Variants in LHFPL2 observed in about 807,000 individuals in gnomAD.
The protein encoded by LHFPL2 is LHFPL tetraspan subfamily member 2.
LHFPL2 carries 7 observed loss-of-function variants against 17.5 expected under a neutral mutation model. That is an observed-to-expected ratio of 0.40 (90% confidence interval 0.23 to 0.75). The LOEUF is 0.75. LHFPL2 is among the 30% of genes least tolerant of loss of function. The pLI is 0.37. For synonymous variants in LHFPL2, 134 were observed against 116.2 expected, an observed-to-expected ratio of 1.15 and a Z score of -0.99; for missense variants, 241 against 294.8, an observed-to-expected ratio of 0.82 and a Z score of 1.34.
At chr5:78,548,145 C>A (rs558701450) in intron 3 of LHFPL2, among the ~76,000 whole-genome samples, 17 of 152,372 alleles carry the variant, frequency 1.1e-4, no homozygotes, top group Middle Eastern at 3.4e-3. Context: ...TCACTCTGGC[C>A]AGCACGGCTG....
At chr5:78,571,977 C>T (rs1356934162) in intron 2 of LHFPL2, among the ~76,000 whole-genome samples, 2 of 152,032 alleles carry the variant, frequency 1.3e-5, no homozygotes, top group Admixed American at 6.5e-5. Context: ...AAATAACGCA[C>T]TCTCTCAGTA....
rs75479471 is a variant in LHFPL2 at position 78,532,408 on chromosome 5, T to C, written c.-185-22010A>G. On this transcript the variant is annotated intron_variant, in intron 3 of 4. Transcript: ENST00000380345. Reference sequence around the variant, plus strand: ...TTTCTCCTGCTAAGAGATGTGGCCATAAAGCCTCCTGTGGTCATCCTACAG... The same window carrying C: ...TTTCTCCTGCTAAGAGATGTGGCCACAAAGCCTCCTGTGGTCATCCTACAG... 4.6e-3 allele frequency among the ~76,000 whole-genome samples: 705 copies of C among 152,170 alleles called. 5 individuals are homozygous for C. The highest frequency in any genetic ancestry group is 0.016 in the African/African-American group (673 of 41,518).
rs1402698564 is a variant in LHFPL2 at position 78,487,638 on chromosome 5, T to C, written c.*1259A>G. 2 of 152,216 alleles carry C rather than the reference T, an allele frequency of 1.3e-5. No homozygotes were observed. The highest frequency in any genetic ancestry group is 2.9e-5 in the Non-Finnish European group (2 of 68,024). The allele number at this position is 152,216 out of a possible 1,614,324, so 9.4% of individuals were successfully genotyped here. On this transcript the variant is annotated 3_prime_UTR_variant, in exon 5 of 5. Transcript: ENST00000380345. The stretch of plus-strand genomic sequence containing the variant: ...AGTGATATTGGTAATTTATGGAAAG[T>C]AGATTAAAAACCCCTGAATCCTTAT...
intron 1 of LHFPL2, among the ~76,000 whole-genome samples, chr5:78,635,229 A>G (rs1289697941): frequency 6.6e-6 from 1 of 152,246 alleles, no homozygotes; most frequent in Non-Finnish European, 1.5e-5. Flanking sequence ...TGCCAGCCAG[A>G]GGCTGAGAAC....
intron 4 of LHFPL2, among the ~76,000 whole-genome samples, chr5:78,490,088 TTC>T (rs1353613934): frequency 1.3e-5 from 2 of 152,236 alleles, no homozygotes; most frequent in South Asian, 2.1e-4. Context: ...TGTAAGGACT[TTC>T]TGTCTGCGTA....
At chr5:78,607,009 T>A (rs1255364722) in intron 2 of LHFPL2, among the ~76,000 whole-genome samples, 1 of 152,092 alleles carries the variant, frequency 6.6e-6, no homozygotes, top group Non-Finnish European at 1.5e-5. Flanking sequence ...GGCATTCTGA[T>A]TTGCCTTGCA....
intron 2 of LHFPL2, among the ~76,000 whole-genome samples, chr5:78,627,101 A>C (rs1461998991): frequency 1.3e-5 from 2 of 152,126 alleles, no homozygotes; most frequent in Non-Finnish European, 2.9e-5. Flanking sequence ...ACAACAACAA[A>C]AAACAAATAT....
Position 78,489,137 on chromosome 5 carries a change from G to A in LHFPL2, c.447C>T (p.Leu149=), listed in dbSNP as rs776397777. 37 of 1,614,038 alleles carry A rather than the reference G, an allele frequency of 2.3e-5. No individual in the cohort carries two copies. The highest frequency in any genetic ancestry group is 1.7e-4 in the African/African-American group (13 of 74,920). ...AGCCAGCAGGGTAGAGTATCAAACCGAGGATAAGGAATAGACCTGCAGAAC... is the reference window on the plus strand; with the variant it reads ...AGCCAGCAGGGTAGAGTATCAAACCAAGGATAAGGAATAGACCTGCAGAAC... ...LQGIAGLFLI[L]GLILYPAGWG... The change falls in exon 5 of 5, where the codon CTC becomes CTT. Residue 149 remains leucine, a synonymous_variant. Transcript: ENST00000380345.
chr5:78,539,247 C>G (rs774534843), intron 3 of LHFPL2, among the ~76,000 whole-genome samples: 1 of 152,180 alleles, frequency 6.6e-6, no homozygotes, highest in South Asian at 2.1e-4. Flanking sequence ...AGCCCTCACC[C>G]GACACCACTG....
At chr5:78,555,116 A>G (rs372735153) in intron 3 of LHFPL2, among the ~76,000 whole-genome samples, 5 of 152,354 alleles carry the variant, frequency 3.3e-5, no homozygotes, top group African/African-American at 1.2e-4. Context: ...GCATATTGAA[A>G]TATGGAAATA....
intron 3 of LHFPL2, among the ~76,000 whole-genome samples, chr5:78,563,797 A>G (rs764837305): frequency 2.0e-5 from 3 of 152,130 alleles, no homozygotes; most frequent in Non-Finnish European, 2.9e-5. Context: ...CATTCCTATG[A>G]GAAGGAATTC....
intron 4 of LHFPL2, chr5:78,491,038 A>T (rs556526912): frequency 2.0e-5 from 3 of 152,338 alleles, no homozygotes; most frequent in Admixed American, 6.5e-5. Flanking sequence ...TTATGGCAGT[A>T]TGAGGCGTGA....
chr5:78,507,040 C>A (rs896457893), intron 4 of LHFPL2, among the ~76,000 whole-genome samples: 1 of 152,130 alleles, frequency 6.6e-6, no homozygotes, highest in Non-Finnish European at 1.5e-5. Flanking sequence ...TCAGAAAAAA[C>A]TCACTGGAGG....
At chr5:78,524,242 C>G (rs1482793626) in intron 3 of LHFPL2, among the ~76,000 whole-genome samples, 2 of 152,198 alleles carry the variant, frequency 1.3e-5, no homozygotes, top group African/African-American at 4.8e-5. Flanking sequence ...TTGGGCTGCT[C>G]AGTGAGGTTT....
chr5:78,610,471 T>A (rs13175562), intron 2 of LHFPL2, among the ~76,000 whole-genome samples: 1 of 152,136 alleles, frequency 6.6e-6, no homozygotes, highest in South Asian at 2.1e-4. Flanking sequence ...ACTGGCAAGA[T>A]TCCACTCGGA....
chr5:78,600,144 C>T (rs1400220072), intron 2 of LHFPL2, among the ~76,000 whole-genome samples: 2 of 151,864 alleles, frequency 1.3e-5, no homozygotes, highest in African/African-American at 2.4e-5. Flanking sequence ...CTACTAAGTT[C>T]CTGAATAGTT....
chr5:78,513,299 C>T (rs578110361), intron 3 of LHFPL2, among the ~76,000 whole-genome samples: 8 of 152,280 alleles, frequency 5.3e-5, no homozygotes, highest in African/African-American at 1.9e-4. Context: ...AATTTGAAGG[C>T]AGGATTACTT....
chr5:78,542,179 T>C (rs1016889689), intron 3 of LHFPL2, among the ~76,000 whole-genome samples: 6 of 151,936 alleles, frequency 3.9e-5, no homozygotes, highest in African/African-American at 1.2e-4. Context: ...AAAAATAAAT[T>C]CTCCAGCACT....
Position 78,489,114 on chromosome 5 carries a change from C to G in LHFPL2, c.470G>C (p.Gly157Ala), listed in dbSNP as rs1321791613. 1 of 1,614,162 alleles carries G rather than the reference C, an allele frequency of 6.2e-7. No individual in the cohort carries two copies. The highest frequency in any genetic ancestry group is 1.7e-5 in the Admixed American group (1 of 60,024). ...GTCTATGGCCTTCTGGCAACCCCAGCCAGCAGGGTAGAGTATCAAACCGAG... is the reference window on the plus strand; with the variant it reads ...GTCTATGGCCTTCTGGCAACCCCAGGCAGCAGGGTAGAGTATCAAACCGAG... ...LILGLILYPA[G>A]WGCQKAIDYC... The change falls in exon 5 of 5, where the codon GGC (glycine) becomes GCC (alanine). Residue 157 changes from glycine to alanine, a missense_variant. By Grantham distance (60) the Gly-to-Ala change is moderately conservative. Transcript: ENST00000380345.
Sources: gnomAD v4.1 joint callset for allele counts (sites outside exome capture counted in the v4.1 genomes callset) on GRCh38, gnomAD v4.1.1 for gene constraint, MANE v1.5 for transcripts, NCBI Gene and HGNC (gene_info 2026-07-23, HGNC 2026-07-21) for gene names.